Variants in CNTN4 observed in about 807,000 individuals in gnomAD.
CNTN4 encodes contactin-4.
In CNTN4, 77 loss-of-function variants were observed where a neutral mutation model predicts 122.5. The ratio of observed to expected loss-of-function variants is 0.63; its 90% CI spans 0.52 to 0.76. The LOEUF (loss-of-function observed/expected upper bound fraction) is 0.76. CNTN4 is among the 30% of genes least tolerant of loss of function. CNTN4 has a pLI of 0.00. For missense variants in CNTN4, 1,256 were observed against 1,259.1 expected (o/e 1.00, Z 0.04); for synonymous variants, 512 against 447.0 (o/e 1.15, Z -1.83).
intron 3 of CNTN4, among the ~76,000 whole-genome samples, chr3:2,466,970 C>CTTTTTTTTTTTT (rs60879017): frequency 2.3e-3 from 265 of 115,686 alleles, no homozygotes; most frequent in Non-Finnish European, 2.8e-3. Context: ...TTCTTTCTTT[C>CTTTTTTTTTTTT]TTTTTTTTTT....
intron 3 of CNTN4, among the ~76,000 whole-genome samples, chr3:2,512,705 T>A (rs1034545481): frequency 1.3e-5 from 2 of 152,202 alleles, no homozygotes; most frequent in Admixed American, 1.3e-4. Flanking sequence ...TGGCCAGGGC[T>A]AATGTGAACC....
intron 2 of CNTN4, among the ~76,000 whole-genome samples, chr3:2,162,360 G>A (rs182951961): frequency 1.5e-4 from 23 of 152,274 alleles, no homozygotes; most frequent in Non-Finnish European, 2.8e-4. Flanking sequence ...ACAGAATCCT[G>A]TTATTGCCAA....
At chr3:2,162,480 G>A (rs1215782060) in intron 2 of CNTN4, among the ~76,000 whole-genome samples, 1 of 152,156 alleles carries the variant, frequency 6.6e-6, no homozygotes, top group Non-Finnish European at 1.5e-5. Context: ...ATATAGGAGG[G>A]AAAACTGTGT....
rs996477513 is a variant in CNTN4, at chr3:2,105,581, A to G, written c.-145+4942A>G. Among the ~76,000 whole-genome samples the G allele has an allele frequency of 1.5e-4, 23 of 152,102 alleles. 1 individual carries two copies. The highest frequency in any genetic ancestry group is 1.5e-5 in the Non-Finnish European group (1 of 68,026). ...ACCATCAGATCTCATGAGAACTCAC[A>G]ATCATGAGACCAGCATGGGGGAAAC... On this transcript the variant is annotated intron_variant, in intron 2 of 24. Coordinates refer to ENST00000418658, the MANE Select transcript of CNTN4 (RefSeq NM_175607.3).
At chr3:2,525,891 T>G (rs988324556) in intron 3 of CNTN4, among the ~76,000 whole-genome samples, 3 of 152,132 alleles carry the variant, frequency 2.0e-5, no homozygotes, top group African/African-American at 7.2e-5. Flanking sequence ...CACAAACACA[T>G]GCTTACATTG....
chr3:2,975,508 C>G (rs1693337234), intron 13 of CNTN4, among the ~76,000 whole-genome samples: 1 of 152,176 alleles, frequency 6.6e-6, no homozygotes, highest in South Asian at 2.1e-4. Context: ...TCAATGCAAG[C>G]AGCCAACAGC....
intron 16 of CNTN4, among the ~76,000 whole-genome samples, chr3:3,034,092 G>A (rs987581601): frequency 2.6e-5 from 4 of 152,210 alleles, no homozygotes; most frequent in Non-Finnish European, 5.9e-5. Context: ...TGAAGAGAGT[G>A]CTAGTAATTA....
At chr3:2,838,941 G>A (rs967990111) in intron 7 of CNTN4, among the ~76,000 whole-genome samples, 5 of 152,188 alleles carry the variant, frequency 3.3e-5, no homozygotes, top group African/African-American at 1.2e-4. Context: ...TCTGGCATCT[G>A]TAACTCATAG....
chr3:2,581,242 G>A (rs933220507), intron 4 of CNTN4, among the ~76,000 whole-genome samples: 2 of 152,080 alleles, frequency 1.3e-5, no homozygotes, highest in Admixed American at 6.6e-5. Flanking sequence ...CAAGGAGAGA[G>A]GGGAATTATT....
chr3:2,668,383 GCT>G (rs1356792970), intron 4 of CNTN4, among the ~76,000 whole-genome samples: 2 of 151,988 alleles, frequency 1.3e-5, no homozygotes. Context: ...TCATGATTTG[GCT>G]CTCTGTTTGT....
rs376113372 is a variant in CNTN4, at chr3:2,335,235, TTTAAC to T, written c.-144-3939_-144-3935del. 6.0e-3 allele frequency among the ~76,000 whole-genome samples: 921 copies of T among 152,250 alleles called. 6 individuals are homozygous for T. Among genetic ancestry groups the T allele is most frequent in the Non-Finnish European group, 0.011 (719 of 68,006 alleles). On this transcript the variant is annotated intron_variant, in intron 2 of 24. Transcript: ENST00000418658. The stretch of plus-strand genomic sequence containing the variant: ...ATTTTATTTAGTTTATAATAAAAAC[TTTAAC>T]TTAGGATAGCGGGTACAAGTTATGG...
chr3:2,701,618 A>G (rs1205996681), intron 4 of CNTN4, among the ~76,000 whole-genome samples: 1 of 152,106 alleles, frequency 6.6e-6, no homozygotes, highest in Non-Finnish European at 1.5e-5. Flanking sequence ...ATTTTCACAA[A>G]TGCTTCATAG....
intron 13 of CNTN4, among the ~76,000 whole-genome samples, chr3:2,982,453 C>T (rs1336313198): frequency 6.6e-6 from 1 of 152,172 alleles, no homozygotes; most frequent in Non-Finnish European, 1.5e-5. Flanking sequence ...CAGAAATGGG[C>T]TCAAAAATGT....
rs1701851990 is a variant in CNTN4, at chr3:3,057,139, T to C, written c.*919T>C. ...TCTTTAACTGTATCTATTTTGAATG[T>C]AAATTTAAAAAAAGTAATTCTCTGT... is the stretch of plus-strand genomic sequence containing the variant. On this transcript the variant is annotated 3_prime_UTR_variant, in exon 25 of 25. Transcript: ENST00000418658. The C allele has an allele frequency of 6.6e-6, 1 of 152,626 alleles. No homozygotes were observed. The highest frequency in any genetic ancestry group is 2.1e-4 in the South Asian group (1 of 4,832). 9.5% of individuals were successfully genotyped at this position (152,626 alleles called of 1,614,324 possible).
chr3:2,433,181 A>T (rs751803812), intron 3 of CNTN4, among the ~76,000 whole-genome samples: 1 of 152,160 alleles, frequency 6.6e-6, no homozygotes, highest in Non-Finnish European at 1.5e-5. Context: ...TTAGAATCAT[A>T]TAGTAATTCT....
intron 3 of CNTN4, among the ~76,000 whole-genome samples, chr3:2,377,593 G>T (rs1166556251): frequency 6.6e-6 from 1 of 152,178 alleles, no homozygotes; most frequent in Non-Finnish European, 1.5e-5. Flanking sequence ...CTGTGAGAGA[G>T]AGAGAGCTCC....
chr3:2,551,144 T>A (rs920514340), intron 3 of CNTN4, among the ~76,000 whole-genome samples: 1 of 151,976 alleles, frequency 6.6e-6, no homozygotes, highest in Non-Finnish European at 1.5e-5. Context: ...ATCTGTCAGC[T>A]CCCTTTCATT....
At position 2,961,198 on chromosome 3, in the gene CNTN4, C is replaced by T. The variant is rs60088324; in HGVS notation, c.1359-27147C>T. 1.6e-5 allele frequency among the ~76,000 whole-genome samples: 2 copies of T among 124,706 alleles called. 1 individual carries two copies. Among genetic ancestry groups the T allele is most frequent in the Non-Finnish European group, 3.3e-5 (2 of 59,904 alleles). The allele number at this position is 124,706 out of a possible 152,430, so 81.8% of individuals were successfully genotyped here. A position where few individuals can be genotyped will look rare whatever the true frequency, so the allele number is the denominator to read the frequency against. On this transcript the variant is annotated intron_variant, in intron 13 of 24. Transcript: ENST00000418658. Reference sequence around the variant, plus strand: ...TGAGCCGAGATTGGACCACTGCACTCCAGCCTGGGCGACAGAACGAGACTC... The same window carrying T: ...TGAGCCGAGATTGGACCACTGCACTTCAGCCTGGGCGACAGAACGAGACTC...
chr3:2,361,958 A>G (rs1358289169), intron 3 of CNTN4, among the ~76,000 whole-genome samples: 1 of 152,224 alleles, frequency 6.6e-6, no homozygotes, highest in Non-Finnish European at 1.5e-5. Context: ...GCAGAAACAC[A>G]GAAACTATAG....
Sources: allele counts gnomAD v4.1 joint callset (sites outside exome capture counted in the v4.1 genomes callset), GRCh38; gene constraint gnomAD v4.1.1; transcripts MANE v1.5; gene names NCBI Gene and HGNC (gene_info 2026-07-23, HGNC 2026-07-21).